PRKN: variants seen among roughly 807,000 people sequenced by gnomAD.
The protein encoded by PRKN is parkin RBR E3 ubiquitin protein ligase, also known as E3 ubiquitin-protein ligase parkin.
Under a neutral mutation model 59.5 loss-of-function variants are expected in PRKN, and 56 were observed. The observed-to-expected ratio is 0.94, with a 90% CI of 0.76 to 1.18. The LOEUF is 1.18. Among genes scored for constraint, PRKN ranks in the 50% most tolerant of loss-of-function variants. The pLI, the probability that PRKN is intolerant of heterozygous loss-of-function variation, is 0.00. For missense variants in PRKN, 657 were observed against 596.4 expected (o/e 1.10, Z -1.06); for synonymous variants, 250 against 222.1 (o/e 1.13, Z -1.12).
chr6:162,629,098 G>C (rs145552123), intron 1 of PRKN, among the ~76,000 whole-genome samples: 2 of 152,026 alleles, frequency 1.3e-5, no homozygotes, highest in Admixed American at 1.3e-4. Context: ...GTTCCCTACT[G>C]CCCCAATTCA....
At chr6:162,396,645 T>C (rs544279788) in intron 2 of PRKN, among the ~76,000 whole-genome samples, 1 of 152,162 alleles carries the variant, frequency 6.6e-6, no homozygotes. Flanking sequence ...TTTGTTGTTG[T>C]GTAAAGCCAC....
At chr6:161,953,427 T>A (rs983875008) in intron 6 of PRKN, among the ~76,000 whole-genome samples, 8 of 152,190 alleles carry the variant, frequency 5.3e-5, no homozygotes, top group Non-Finnish European at 7.3e-5. Context: ...ATTTATTTAT[T>A]TTTTAAGACA....
At chr6:161,914,797 T>A (rs1306848092) in intron 6 of PRKN, among the ~76,000 whole-genome samples, 1 of 151,824 alleles carries the variant, frequency 6.6e-6, no homozygotes, top group Non-Finnish European at 1.5e-5. Flanking sequence ...CTCATGACCA[T>A]CAGCAGCCAC....
At chr6:162,691,787 T>C (rs1203895363) in intron 1 of PRKN, among the ~76,000 whole-genome samples, 1 of 152,176 alleles carries the variant, frequency 6.6e-6, no homozygotes, top group Non-Finnish European at 1.5e-5. Flanking sequence ...CCTACATCAC[T>C]AGAGTCAACA....
At chr6:161,988,822 C>A (rs1480053858) in intron 5 of PRKN, among the ~76,000 whole-genome samples, 1 of 152,124 alleles carries the variant, frequency 6.6e-6, no homozygotes, top group East Asian at 1.9e-4. Context: ...TACTACAGAG[C>A]ATTTTCATTG....
chr6:162,170,334 G>A (rs902927732), intron 4 of PRKN, among the ~76,000 whole-genome samples: 1 of 152,242 alleles, frequency 6.6e-6, no homozygotes, highest in South Asian at 2.1e-4. Context: ...CTTCCCACAG[G>A]CACTAATTAA....
chr6:162,247,773 A>G (rs1230914189), intron 3 of PRKN, among the ~76,000 whole-genome samples: 2 of 152,206 alleles, frequency 1.3e-5, no homozygotes, highest in African/African-American at 2.4e-5. Context: ...AAAATCTACA[A>G]TTATGAAAGG....
rs1779977754 is a variant in PRKN, at chr6:161,550,737, A to ATGTGTG, written c.934-1735_934-1734insCACACA. 1.3e-5 allele frequency among the ~76,000 whole-genome samples: 1 copy of ATGTGTG among 75,318 alleles called. No individual in the cohort carries two copies. Among genetic ancestry groups the ATGTGTG allele is most frequent in the African/African-American group, 5.6e-5 (1 of 17,868 alleles). The allele number at this position is 75,318 out of a possible 152,430, so 49.4% of individuals were successfully genotyped here. On this transcript the variant is annotated intron_variant, in intron 8 of 11. Coordinates refer to ENST00000366898, the MANE Select transcript of PRKN (RefSeq NM_004562.3). The surrounding 1 kb of genome is among the most constrained non-coding windows in gnomAD (Gnocchi z 4.0). ...GAAGAAAGGGTATGTGTGTGTGTGC[A>ATGTGTG]CGTGTGTGTGTGTGTGTGTGTGTGT...
intron 1 of PRKN, among the ~76,000 whole-genome samples, chr6:162,646,108 G>A (rs1456808819): frequency 3.3e-5 from 5 of 151,766 alleles, no homozygotes; most frequent in Admixed American, 1.3e-4. Context: ...TCCTGACCTC[G>A]TAAACCGCCC....
intron 10 of PRKN, among the ~76,000 whole-genome samples, chr6:161,364,251 G>A (rs1241117341): frequency 6.7e-6 from 1 of 150,366 alleles, no homozygotes; most frequent in African/African-American, 2.4e-5. Flanking sequence ...ACCAAGTCAG[G>A]AGTTTGAGAC....
intron 9 of PRKN, among the ~76,000 whole-genome samples, chr6:161,537,949 C>T (rs1051769271): frequency 6.6e-6 from 1 of 152,192 alleles, no homozygotes; most frequent in Non-Finnish European, 1.5e-5. Flanking sequence ...GAAAAAATCG[C>T]TTGGCATCAA....
intron 6 of PRKN, among the ~76,000 whole-genome samples, chr6:161,857,143 C>T (rs1164557238): frequency 3.3e-5 from 5 of 152,146 alleles, no homozygotes; most frequent in Non-Finnish European, 5.9e-5. Flanking sequence ...GCAGGTGAAT[C>T]GCTTGAGCCC....
Position 161,679,245 on chromosome 6 carries a change from A to C in PRKN, c.871+106527T>G, listed in dbSNP as rs563399762. ...CTACTGCAGCTTCGGTGCCTATAGG[A>C]CTAATACTGCAGAGATACAGTGTTT... On this transcript the variant is annotated intron_variant, in intron 7 of 11. Coordinates refer to ENST00000366898, the MANE Select transcript of PRKN (RefSeq NM_004562.3). 2.6e-5 allele frequency among the ~76,000 whole-genome samples: 4 copies of C among 152,288 alleles called. No homozygotes were observed. In the South Asian group the frequency reaches 8.3e-4, roughly 32 times the overall value.
chr6:161,996,237 T>A (rs1055194569), intron 5 of PRKN, among the ~76,000 whole-genome samples: 3 of 152,076 alleles, frequency 2.0e-5, no homozygotes, highest in African/African-American at 7.2e-5. Flanking sequence ...TGAAATCCTA[T>A]GCTTGCAGAA....
At chr6:162,706,124 C>T (rs1450004527) in intron 1 of PRKN, among the ~76,000 whole-genome samples, 2 of 145,638 alleles carry the variant, frequency 1.4e-5, no homozygotes, top group African/African-American at 5.1e-5. Context: ...TCAAATTTAC[C>T]TGAAGGTTAA....
chr6:162,136,868 G>A (rs1486047772), intron 4 of PRKN, among the ~76,000 whole-genome samples: 2 of 152,014 alleles, frequency 1.3e-5, no homozygotes, highest in Non-Finnish European at 2.9e-5. Context: ...GCCACTTCAT[G>A]TAACAACACA....
At chr6:162,140,522 G>A (rs1781733092) in intron 4 of PRKN, among the ~76,000 whole-genome samples, 1 of 152,116 alleles carries the variant, frequency 6.6e-6, no homozygotes, top group Non-Finnish European at 1.5e-5. Flanking sequence ...ATGTGTGTGT[G>A]GTTTAGACGG....
chr6:161,615,580 C>G (rs1158562726), intron 7 of PRKN, among the ~76,000 whole-genome samples: 1 of 152,226 alleles, frequency 6.6e-6, no homozygotes, highest in East Asian at 1.9e-4. Context: ...GCCACAAGCA[C>G]CGGCAAACAG....
intron 1 of PRKN, among the ~76,000 whole-genome samples, chr6:162,684,951 C>T (rs1217586884): frequency 6.6e-6 from 1 of 152,040 alleles, no homozygotes; most frequent in Non-Finnish European, 1.5e-5. Flanking sequence ...TAATTTAAGC[C>T]TAGTGTTTTT....
Sources: gnomAD v4.1 joint callset for allele counts (sites outside exome capture counted in the v4.1 genomes callset) on GRCh38, gnomAD v4.1.1 for gene constraint, Gnocchi (gnomAD v3.1) non-coding constraint, MANE v1.5 for transcripts, NCBI Gene and HGNC (gene_info 2026-07-23, HGNC 2026-07-21) for gene names.